BPHL: variants seen among roughly 807,000 people sequenced by gnomAD.
BPHL encodes the protein biphenyl hydrolase like.
A neutral mutation model predicts 31.2 loss-of-function variants in BPHL; 27 were observed. The ratio of observed to expected loss-of-function variants is 0.87; its 90% CI spans 0.64 to 1.19. BPHL has a LOEUF of 1.19. Among genes scored for constraint, BPHL ranks in the 50% most tolerant of loss-of-function variants. BPHL has a pLI of 0.00. For missense variants in BPHL, 356 were observed against 375.7 expected (o/e 0.95, Z 0.43); for synonymous variants, 150 against 146.8 (o/e 1.02, Z -0.16).
chr6:3,138,873 T>C (rs1561795950), intron 5 of BPHL: 3 of 152,220 alleles, frequency 2.0e-5, no homozygotes, highest in African/African-American at 4.8e-5. Flanking sequence ...AATACGTTCA[T>C]GATACAGAGG....
At chr6:3,128,780 T>A (rs750331888) in intron 3 of BPHL, among the ~76,000 whole-genome samples, 11 of 152,244 alleles carry the variant, frequency 7.2e-5, no homozygotes, top group Non-Finnish European at 1.5e-4. Flanking sequence ...TTGATTCTAG[T>A]TCCTTGAGCT....
chr6:3,138,079 C>A, intron 5 of BPHL: 1 of 1,025,646 alleles, frequency 9.7e-7, no homozygotes, highest in Non-Finnish European at 1.3e-6. Flanking sequence ...AATGCAATGG[C>A]ATGATCTCAG....
chr6:3,119,731 A>T (rs1053256635), intron 1 of BPHL, among the ~76,000 whole-genome samples: 1 of 152,230 alleles, frequency 6.6e-6, no homozygotes, highest in Non-Finnish European at 1.5e-5. Context: ...CTACTTTCAT[A>T]AAGTCAGTAC....
At chr6:3,142,088 A>C (rs1420956739) in intron 6 of BPHL, among the ~76,000 whole-genome samples, 1 of 152,030 alleles carries the variant, frequency 6.6e-6, no homozygotes, top group Non-Finnish European at 1.5e-5. Flanking sequence ...CCAGTAGTAT[A>C]CTTTCTTATT....
At chr6:3,147,911 C>T (rs1471951133) in intron 6 of BPHL, among the ~76,000 whole-genome samples, 1 of 152,228 alleles carries the variant, frequency 6.6e-6, no homozygotes, top group Non-Finnish European at 1.5e-5. Flanking sequence ...GCCAATATCG[C>T]AGACTGAAGG....
chr6:3,129,976 TTG>T (rs907968289), intron 4 of BPHL, among the ~76,000 whole-genome samples: 1 of 152,004 alleles, frequency 6.6e-6, no homozygotes, highest in Non-Finnish European at 1.5e-5. Context: ...CTGGCTAATT[TTG>T]TGTTTTTTAG....
In BPHL at chr6:3,133,783, G is replaced by A. The variant is rs140163969; in HGVS notation, c.533-3579G>A. On this transcript the variant is annotated intron_variant, in intron 4 of 6. Transcript: ENST00000380379. ...ACAGGCCACTCTGCTACAGATGGAC[G>A]GCTGGTTCTTGTACCCGTCTCCTGG... 4.4e-3 allele frequency among the ~76,000 whole-genome samples: 664 copies of A among 152,314 alleles called. 10 individuals carry two copies. Among genetic ancestry groups the A allele is most frequent in the Middle Eastern group, 0.037 (11 of 294 alleles).
rs1370840630 is a variant in BPHL, at chr6:3,137,608, CAT to C, written c.664+116_664+117del. The C allele has an allele frequency of 3.6e-6, 5 of 1,392,460 alleles. No homozygotes were observed. In the African/African-American group the frequency reaches 7.2e-5, roughly 20 times the overall value. 86.3% of individuals were successfully genotyped at this position (1,392,460 alleles called of 1,614,324 possible). ...AATCTGCCCATCGCCCTCACACGCT[CAT>C]GTGTGAGCAGAACAGAGAATACTAG... On this transcript the variant is annotated intron_variant, in intron 5 of 6. Transcript: ENST00000380379.
At chr6:3,119,253 A>G in intron 1 of BPHL, 1 of 1,525,042 alleles carries the variant, frequency 6.6e-7, no homozygotes, top group Non-Finnish European at 8.8e-7. Flanking sequence ...TAAGGGCATA[A>G]GGACAATAAT....
chr6:3,150,511 C>T (rs925640375), intron 6 of BPHL, among the ~76,000 whole-genome samples: 3 of 152,240 alleles, frequency 2.0e-5, no homozygotes, highest in Non-Finnish European at 2.9e-5. Context: ...GGAACCTGCC[C>T]TGGCAGAGGA....
At chr6:3,119,407 T>C (rs1463430276) in intron 1 of BPHL, 6 of 1,609,500 alleles carry the variant, frequency 3.7e-6, no homozygotes, top group Non-Finnish European at 5.1e-6. Context: ...GAACTGAAAA[T>C]TCAGAATCCT....
In BPHL at chr6:3,142,334, G is replaced by A. The variant is rs932822677; in HGVS notation, c.788+1825G>A. The stretch of plus-strand genomic sequence containing the variant: ...GGGTTTCACTGTGTTAGCCAGGATG[G>A]TCTCGATCTCTTGACCTTGTGATCC... On this transcript the variant is annotated intron_variant, in intron 6 of 6. Transcript: ENST00000380379. Among the ~76,000 whole-genome samples the A allele has an allele frequency of 2.0e-5, 3 of 152,152 alleles. No individual in the cohort carries two copies. In the South Asian group the frequency reaches 6.2e-4, roughly 32 times the overall value.
intron 4 of BPHL, among the ~76,000 whole-genome samples, chr6:3,130,774 G>A (rs1038827639): frequency 2.0e-5 from 3 of 152,300 alleles, no homozygotes; most frequent in South Asian, 4.1e-4. Flanking sequence ...CAATTCACGT[G>A]ACTTTTAAGT....
At position 3,140,316 on chromosome 6, in the gene BPHL, GA is replaced by G; in HGVS notation, c.665-69del. On this transcript the variant is annotated intron_variant, in intron 5 of 6. Coordinates refer to ENST00000380379, the MANE Select transcript of BPHL (RefSeq NM_004332.4). This position sits in a 1 kb window ranked among gnomAD's most constrained non-coding sequence, Gnocchi z 5.2. ...GGGCCAAGGAGGGGCAGGGCTCGCC[GA>G]GTTTCGCCTCCTCTGACCGCGTAGA... 1.9e-6 allele frequency: 3 copies of G among 1,579,258 alleles called. No individual in the cohort carries two copies. The South Asian group carries it at 3.4e-5, about 18-fold the overall frequency.
At chr6:3,134,796 G>A (rs1055555913) in intron 4 of BPHL, among the ~76,000 whole-genome samples, 1 of 151,822 alleles carries the variant, frequency 6.6e-6, no homozygotes, top group Non-Finnish European at 1.5e-5. Flanking sequence ...TAGAGACGGG[G>A]TTTCACCGTG....
chr6:3,123,492 C>T (rs1761629114), intron 1 of BPHL, among the ~76,000 whole-genome samples, 165 bp from the exon 2 acceptor site: 1 of 152,154 alleles, frequency 6.6e-6, no homozygotes, highest in African/African-American at 2.4e-5. Flanking sequence ...CATTCAGTAT[C>T]TTCCTTCTAG....
intron 5 of BPHL, chr6:3,138,319 C>G (rs917626170): frequency 2.4e-5 from 4 of 164,310 alleles, no homozygotes; most frequent in African/African-American, 7.2e-5. Flanking sequence ...TGCCCAGCCT[C>G]CTATTCTTTA....
At chr6:3,136,562 C>T (rs1762021754) in intron 4 of BPHL, among the ~76,000 whole-genome samples, 1 of 152,186 alleles carries the variant, frequency 6.6e-6, no homozygotes, top group South Asian at 2.1e-4. Flanking sequence ...ACAGTGAGTG[C>T]CTGCCAGGTG....
intron 4 of BPHL, among the ~76,000 whole-genome samples, chr6:3,136,653 C>T (rs547120329): frequency 6.6e-6 from 1 of 152,310 alleles, no homozygotes; most frequent in South Asian, 2.1e-4. Flanking sequence ...CCATGTGTAA[C>T]GTGTAGCTCT....
Sources: gnomAD v4.1 joint callset for allele counts (sites outside exome capture counted in the v4.1 genomes callset) on GRCh38, gnomAD v4.1.1 for gene constraint, Gnocchi (gnomAD v3.1) non-coding constraint, MANE v1.5 for transcripts, NCBI Gene and HGNC (gene_info 2026-07-23, HGNC 2026-07-21) for gene names.